The following SLC25A29 variants were observed in gnomAD, a reference collection of about 807,000 sequenced individuals.
SLC25A29 encodes the protein mitochondrial basic amino acids transporter.
A neutral mutation model predicts 10.0 loss-of-function variants in SLC25A29; 13 were observed. The ratio of observed to expected loss-of-function variants is 1.30; its 90% CI spans 0.85 to 2.07. The LOEUF (loss-of-function observed/expected upper bound fraction) is 2.07. Ranked by LOEUF, SLC25A29 falls within the 30% of genes most tolerant of loss-of-function variation. The probability of loss-of-function intolerance (pLI) is 0.00; values close to 1 mark genes in which losing one functional copy is unlikely to be tolerated. For synonymous variants in SLC25A29, 244 were observed against 221.1 expected, an observed-to-expected ratio of 1.10 and a Z score of -0.92; for missense variants, 475 against 447.6, an observed-to-expected ratio of 1.06 and a Z score of -0.55.
At chr14:100,281,543 C>T in the SLC25A29 span, 325 of 152,298 alleles carry the variant, frequency 2.1e-3, 5 homozygotes, top group Non-Finnish European at 3.5e-4. Flanking sequence ...GCATTCCACC[C>T]GAACTTTTAA....
chr14:100,301,756 C>T (rs901295235), intron 1 of SLC25A29, among the ~76,000 whole-genome samples: 42 of 151,074 alleles, frequency 2.8e-4, no homozygotes, highest in African/African-American at 9.8e-4. Context: ...GTGATCCACC[C>T]GCCTCGGCCA....
Position 100,292,553 on chromosome 14 carries a change from CTT to C in SLC25A29, c.640_641del (p.Lys214ValfsTer108), listed in dbSNP as rs1351551183. The part of the protein sequence containing the change: ...WLSTYPVDVV[K>X]SRLQADGLRG... ...GCAGTCCGTCCGCCTGCAGCCGCGA[CTT>C]GACCACGTCCACAGGATAGGTAGAG... is the stretch of plus-strand genomic sequence containing the variant. On this transcript the variant is annotated frameshift_variant, in exon 4 of 4. Coordinates refer to ENST00000359232, the MANE Select transcript of SLC25A29 (RefSeq NM_001039355.3). LOFTEE classifies it low-confidence loss of function (END_TRUNC). 2.6e-5 allele frequency: 42 copies of C among 1,601,210 alleles called. No individual in the cohort carries two copies. The highest frequency in any genetic ancestry group is 3.5e-5 in the Non-Finnish European group (41 of 1,174,884).
the SLC25A29 span, among the ~76,000 whole-genome samples, chr14:100,285,111 C>T: frequency 6.6e-6 from 1 of 152,056 alleles, no homozygotes; most frequent in Non-Finnish European, 1.5e-5. Context: ...GAGCACGCCC[C>T]TCAGGTGTTT....
downstream of SLC25A29, among the ~76,000 whole-genome samples, chr14:100,288,982 C>T (rs957724261): frequency 1.3e-5 from 2 of 152,292 alleles, no homozygotes; most frequent in East Asian, 3.9e-4. Context: ...TCCCATATGA[C>T]TGGTGCCCTT....
At chr14:100,304,395 T>C (rs1364524007) in intron 1 of SLC25A29, among the ~76,000 whole-genome samples, 1 of 152,180 alleles carries the variant, frequency 6.6e-6, no homozygotes, top group Non-Finnish European at 1.5e-5. Flanking sequence ...GCATGTGGTG[T>C]GACTTTGCTT....
chr14:100,299,203 T>C, intron 1 of SLC25A29: 1 of 1,244,314 alleles, frequency 8.0e-7, no homozygotes, highest in South Asian at 2.0e-5. Flanking sequence ...CCTGGGAGGC[T>C]GCACACACTA....
At chr14:100,285,477 T>C in the SLC25A29 span, among the ~76,000 whole-genome samples, 10 of 151,320 alleles carry the variant, frequency 6.6e-5, no homozygotes, top group Non-Finnish European at 1.5e-5. Context: ...GGGGAGGGGC[T>C]GCGCGTGCGC....
chr14:100,289,969 G>A (rs1283014686), downstream of SLC25A29, among the ~76,000 whole-genome samples: 1 of 152,182 alleles, frequency 6.6e-6, no homozygotes, highest in Non-Finnish European at 1.5e-5. Flanking sequence ...GAAGTGGGAG[G>A]GAGCTAGAAG....
chr14:100,304,798 C>G (rs1246239325), intron 1 of SLC25A29: 1 of 152,352 alleles, frequency 6.6e-6, no homozygotes, highest in African/African-American at 2.4e-5. Context: ...GTTCCTGCCC[C>G]AAACCCCGGT....
At chr14:100,282,817 C>T in the SLC25A29 span, 1 of 152,244 alleles carries the variant, frequency 6.6e-6, no homozygotes, top group Non-Finnish European at 1.5e-5. Context: ...GTTTGTTCCT[C>T]AGTCCTCTAA....
At position 100,292,886 on chromosome 14, in the gene SLC25A29, G is replaced by A. The variant is rs1312061982; in HGVS notation, c.309C>T (p.Gly103=). 10 of 1,601,258 alleles carry A rather than the reference G, an allele frequency of 6.2e-6. No individual in the cohort carries two copies. In the East Asian group the frequency reaches 9.0e-5, roughly 14 times the overall value. ...LNQFLAGAAA[G]AIQCVICCPM... ...GGCAGCAGATGACGCACTGGATGGC[G>A]CCCGCCGCCGCACCTGCCAGGAACT... The change falls in exon 4 of 4, where the codon GGC becomes GGT. Residue 103 remains glycine (G), a synonymous_variant. Transcript: ENST00000359232.
the SLC25A29 span, chr14:100,281,061 C>CAAAAAAA: frequency 9.9e-6 from 1 of 100,882 alleles, no homozygotes; most frequent in African/African-American, 4.9e-5. Flanking sequence ...CTCCGTCTCC[C>CAAAAAAA]AAAAAAAAAA....
At chr14:100,296,325 A>G (rs1424498044) in intron 2 of SLC25A29, 2 of 274,402 alleles carry the variant, frequency 7.3e-6, no homozygotes, top group Non-Finnish European at 1.4e-5. Context: ...GCTACTTGAG[A>G]GGCTGCGGTG....
chr14:100,285,734 G>C, the SLC25A29 span, among the ~76,000 whole-genome samples: 7 of 152,270 alleles, frequency 4.6e-5, no homozygotes, highest in Non-Finnish European at 1.0e-4. Flanking sequence ...CACGGGGCAG[G>C]GCGGTGCGGC....
At chr14:100,290,284 G>A (rs1566789358), downstream of SLC25A29, among the ~76,000 whole-genome samples, 1 of 152,260 alleles carries the variant, frequency 6.6e-6, no homozygotes. Flanking sequence ...GGAGGAGCTA[G>A]GGAAGGGGCC....
In SLC25A29 at chr14:100,292,296, G is replaced by A; in HGVS notation, c.899C>T (p.Pro300Leu). 6.5e-6 allele frequency: 10 copies of A among 1,530,376 alleles called. No individual in the cohort carries two copies. The highest frequency in any genetic ancestry group is 4.8e-5 in the South Asian group (4 of 83,670). 94.8% of individuals were successfully genotyped at this position (1,530,376 alleles called of 1,614,324 possible). A position where few individuals can be genotyped will look rare whatever the true frequency, so the allele number is the denominator to read the frequency against. ...GCGGGGTGAGCGTCACAGGCTGGAG[G>A]GCTGCGCCAGGGCAGGCCCCGCAGG... is the stretch of plus-strand genomic sequence containing the variant. ...AAPAGPALAQ[P>L]SSL Residue 300 changes from proline (P) to leucine (L), a missense_variant, in exon 4 of 4, where the codon CCC (proline) becomes CTC (leucine). By Grantham distance (98) the Pro-to-Leu change is moderately conservative. Coordinates refer to ENST00000359232, the MANE Select transcript of SLC25A29 (RefSeq NM_001039355.3).
downstream of SLC25A29, among the ~76,000 whole-genome samples, chr14:100,287,631 C>A (rs1045300058): frequency 1.1e-4 from 11 of 98,756 alleles, no homozygotes; most frequent in South Asian, 5.6e-4. Context: ...GAGCACCACC[C>A]CCCCCCTCCG....
the SLC25A29 span, chr14:100,281,613 T>C: frequency 6.6e-6 from 1 of 152,232 alleles, no homozygotes; most frequent in African/African-American, 2.4e-5. Flanking sequence ...GTTCTGGCCA[T>C]GCACTTCTTA....
rs1301194296 is a variant in SLC25A29, at chr14:100,292,655, G to A, written c.540C>T (p.Gly180=). Residue 180 remains glycine, a synonymous_variant, in exon 4 of 4, where the codon GGC becomes GGT. Coordinates refer to ENST00000359232, the MANE Select transcript of SLC25A29 (RefSeq NM_001039355.3). ...CCAGCAGGCGGTCGCCCGGCTCGCA[G>A]CCCAGCGCCCGCGTGAGAGCGTCAT... ...LTYDALTRAL[G]CEPGDRLLVP... 6 of 1,597,540 alleles carry A rather than the reference G, an allele frequency of 3.8e-6. No homozygotes were observed. The highest frequency in any genetic ancestry group is 2.7e-5 in the African/African-American group (2 of 74,740).
Sources: allele counts gnomAD v4.1 joint callset (sites outside exome capture counted in the v4.1 genomes callset), GRCh38; gene constraint gnomAD v4.1.1; transcripts MANE v1.5; gene names NCBI Gene and HGNC (gene_info 2026-07-23, HGNC 2026-07-21).